Variants in DSCAM observed in about 807,000 individuals in gnomAD.
DSCAM encodes cell adhesion molecule DSCAM.
In DSCAM, 47 loss-of-function variants were observed where a neutral mutation model predicts 217.7. The ratio of observed to expected loss-of-function variants is 0.22; its 90% CI spans 0.17 to 0.28. DSCAM has a LOEUF of 0.28. Ranked by LOEUF, DSCAM falls within the 10% of genes least tolerant of loss-of-function variation. The pLI is 1.00. For missense variants in DSCAM, 2,080 were observed against 2,618.3 expected (o/e 0.79, Z 4.49); for synonymous variants, 1,056 against 1,015.3 (o/e 1.04, Z -0.76).
At position 40,016,563 on chromosome 21, in the gene DSCAM, C is replaced by T. The variant is rs2088161942; in HGVS notation, c.5687-3177G>A. Among the ~76,000 whole-genome samples the T allele has an allele frequency of 6.6e-6, 1 of 152,124 alleles. No individual in the cohort carries two copies. The highest frequency in any genetic ancestry group is 2.4e-5 in the African/African-American group (1 of 41,432). ...TCTTGTTTCTTTTGCTTCAAAATAT[C>T]CCCTGCTTTCCTTATGTTACTGTAT... On this transcript the variant is annotated intron_variant, in intron 32 of 32. Coordinates refer to ENST00000400454, the MANE Select transcript of DSCAM (RefSeq NM_001389.5). This position sits in a 1 kb window ranked among gnomAD's most constrained non-coding sequence, Gnocchi z 4.3.
At chr21:40,464,865 C>T (rs979021370) in intron 3 of DSCAM, among the ~76,000 whole-genome samples, 2 of 151,944 alleles carry the variant, frequency 1.3e-5, no homozygotes, top group Admixed American at 6.6e-5. Flanking sequence ...CTCAGCCTCC[C>T]GAGTAGCTGG....
chr21:40,772,002 CAT>C lies in DSCAM; in HGVS notation c.44-63233_44-63232del, dbSNP rs1465090715. Among the ~76,000 whole-genome samples the C allele has an allele frequency of 9.9e-5, 15 of 152,234 alleles. No individual in the cohort carries two copies. In the East Asian group the frequency reaches 1.2e-3, roughly 12 times the overall value. ...CGTTCATGGGAAAGAGGCCATGAAA[CAT>C]ATTCACTTTTGCTACACATGCTGAT... is the stretch of plus-strand genomic sequence containing the variant. On this transcript the variant is annotated intron_variant, in intron 1 of 32. Transcript: ENST00000400454.
intron 1 of DSCAM, among the ~76,000 whole-genome samples, chr21:40,767,113 TTTAA>T (rs1193783544): frequency 1.3e-5 from 2 of 152,102 alleles, no homozygotes; most frequent in African/African-American, 4.8e-5. Flanking sequence ...CACAAAGACG[TTTAA>T]TTGTCAACTA....
intron 16 of DSCAM, among the ~76,000 whole-genome samples, chr21:40,158,704 A>G (rs1210080881): frequency 6.6e-6 from 1 of 152,206 alleles, no homozygotes; most frequent in African/African-American, 2.4e-5. Flanking sequence ...TTACAGAAAA[A>G]CAAACCCTGT....
At chr21:40,013,468 A>G (rs757143175) in intron 32 of DSCAM, 82 bp from the exon 33 acceptor site, 1 of 1,069,238 alleles carries the variant, frequency 9.4e-7, no homozygotes, top group Non-Finnish European at 1.3e-6. Flanking sequence ...ACGGGAAGCC[A>G]TGCGGGCTTT....
At chr21:40,780,411 G>A (rs1309807236) in intron 1 of DSCAM, among the ~76,000 whole-genome samples, 21 of 88,526 alleles carry the variant, frequency 2.4e-4, no homozygotes, top group Middle Eastern at 5.9e-3. Context: ...GTGTGTGTGT[G>A]TGTGTGTGTG....
chr21:40,044,146 G>A lies in DSCAM; in HGVS notation c.5315C>T (p.Thr1772Ile), dbSNP rs752397385. 6.2e-7 allele frequency: 1 copy of A among 1,614,166 alleles called. No homozygotes were observed. The highest frequency in any genetic ancestry group is 1.1e-5 in the South Asian group (1 of 91,078). ...GTCTACTGATCCTGCAGCCCTGGGT[G>A]TTGGCAGCCTCCAGTCTGTGGTGAG... ...HTLTTDWRLP[T>I]PRAAGSVDKE... The change falls in exon 31 of 33, where the codon ACA (threonine) becomes ATA (isoleucine). Residue 1772 changes from threonine to isoleucine, a missense_variant. By Grantham distance (89) the Thr-to-Ile change is moderately conservative (BLOSUM62 -1). Around this residue, in one of 5 missense-constraint regions of DSCAM, gnomAD observed 1,144 missense variants for 1,421.1 expected, o/e 0.81. Coordinates refer to ENST00000400454, the MANE Select transcript of DSCAM (RefSeq NM_001389.5).
At chr21:40,323,841 C>T (rs1447920026) in intron 8 of DSCAM, among the ~76,000 whole-genome samples, 6 of 152,072 alleles carry the variant, frequency 3.9e-5, no homozygotes, top group South Asian at 2.1e-4. Context: ...CAGTGGCTCA[C>T]GCCTGTAATC....
chr21:40,780,423 GTATATATA>G (rs71186965), intron 1 of DSCAM, among the ~76,000 whole-genome samples: 10 of 56,416 alleles, frequency 1.8e-4, no homozygotes, highest in African/African-American at 6.9e-4. Flanking sequence ...GTGTGTGTGT[GTATATATA>G]TATATATATA....
intron 22 of DSCAM, among the ~76,000 whole-genome samples, chr21:40,085,984 T>A (rs1382578713): frequency 6.6e-6 from 1 of 152,116 alleles, no homozygotes; most frequent in Non-Finnish European, 1.5e-5. Flanking sequence ...GAAGATGAGA[T>A]CTGTGTCAAG....
chr21:40,423,107 C>T (rs767094898), intron 3 of DSCAM, among the ~76,000 whole-genome samples: 1 of 152,164 alleles, frequency 6.6e-6, no homozygotes, highest in Non-Finnish European at 1.5e-5. Flanking sequence ...TAACCTTAGA[C>T]ACTAACAAGG....
chr21:40,488,920 G>C (rs999444657), intron 3 of DSCAM, among the ~76,000 whole-genome samples: 2 of 152,160 alleles, frequency 1.3e-5, no homozygotes, highest in East Asian at 3.9e-4. Flanking sequence ...CTGCAGCCAC[G>C]TGGAAAGAAT....
At chr21:40,197,683 C>G (rs1046605617) in intron 11 of DSCAM, among the ~76,000 whole-genome samples, 9 of 152,160 alleles carry the variant, frequency 5.9e-5, no homozygotes, top group African/African-American at 2.2e-4. Context: ...ATGGTAGTAG[C>G]AGCACAGTTA....
intron 9 of DSCAM, among the ~76,000 whole-genome samples, chr21:40,307,968 G>T (rs1168846867): frequency 2.0e-5 from 3 of 151,088 alleles, no homozygotes; most frequent in African/African-American, 7.3e-5. Flanking sequence ...AGCATTAGGA[G>T]ATATACCTAA....
At chr21:40,529,071 T>C (rs961750723) in intron 3 of DSCAM, among the ~76,000 whole-genome samples, 1 of 151,698 alleles carries the variant, frequency 6.6e-6, no homozygotes, top group Non-Finnish European at 1.5e-5. Context: ...CCCCGGCTAA[T>C]TTTTTTGTAT....
At chr21:40,787,876 T>C (rs534543931) in intron 1 of DSCAM, among the ~76,000 whole-genome samples, 1 of 152,128 alleles carries the variant, frequency 6.6e-6, no homozygotes, top group Non-Finnish European at 1.5e-5. Flanking sequence ...AATTGTATAC[T>C]GAGGAAATGA....
chr21:40,421,448 T>C (rs1481707905), intron 3 of DSCAM, among the ~76,000 whole-genome samples: 1 of 152,238 alleles, frequency 6.6e-6, no homozygotes, highest in Non-Finnish European at 1.5e-5. Flanking sequence ...GGGCACTTCT[T>C]AGCATGCTCC....
intron 1 of DSCAM, among the ~76,000 whole-genome samples, chr21:40,711,124 T>C: frequency 6.6e-6 from 1 of 151,214 alleles, no homozygotes. Flanking sequence ...GATTTTTGTT[T>C]TCTCATCTTA....
chr21:40,630,486 A>ACAGGGT (rs1483447562), intron 3 of DSCAM, among the ~76,000 whole-genome samples: 1 of 152,196 alleles, frequency 6.6e-6, no homozygotes, highest in Admixed American at 6.5e-5. Context: ...TTTAGTAAAG[A>ACAGGGT]CAGGGTTTCA....
Sources: allele counts gnomAD v4.1 joint callset (sites outside exome capture counted in the v4.1 genomes callset), GRCh38; gene constraint gnomAD v4.1.1; regional missense constraint gnomAD v4.1.1; non-coding constraint Gnocchi (gnomAD v3.1); transcripts MANE v1.5; gene names NCBI Gene and HGNC (gene_info 2026-07-23, HGNC 2026-07-21).